The following ARHGAP22 variants were observed in gnomAD, a reference collection of about 807,000 sequenced individuals.
ARHGAP22 encodes the protein Rho GTPase activating protein 22.
ARHGAP22 carries 48 observed loss-of-function variants against 59.1 expected under a neutral mutation model. The observed-to-expected ratio is 0.81, with a 90% CI of 0.64 to 1.03. The LOEUF (loss-of-function observed/expected upper bound fraction) is 1.03. Among genes scored for constraint, ARHGAP22 ranks in the 50% least tolerant of loss-of-function variants. The probability of loss-of-function intolerance (pLI) is 0.00; values close to 1 mark genes in which losing one functional copy is unlikely to be tolerated. For missense variants in ARHGAP22, 1,015 were observed against 958.7 expected, an observed-to-expected ratio of 1.06 and a Z score of -0.78; for synonymous variants, 445 against 416.4, an observed-to-expected ratio of 1.07 and a Z score of -0.84.
In ARHGAP22 at chr10:48,577,801, G is replaced by GTTTTTTTTTTTTTTTT. The variant is rs34557935; in HGVS notation, c.234+5136_234+5151dup. Among the ~76,000 whole-genome samples, 86 of 59,158 alleles carry GTTTTTTTTTTTTTTTT rather than the reference G, an allele frequency of 1.5e-3. 16 individuals carry two copies. Among genetic ancestry groups the GTTTTTTTTTTTTTTTT allele is most frequent in the South Asian group, 9.6e-3 (7 of 726 alleles). The allele number at this position is 59,158 out of a possible 152,430, so 38.8% of individuals were successfully genotyped here. ...TCTGAGATCTAACTGCTCTTTTTTG[G>GTTTTTTTTTTTTTTTT]TTTTTTTTTTTTTTTTTTTTTTTTT... On this transcript the variant is annotated intron_variant, in intron 2 of 9. Coordinates refer to ENST00000249601, the MANE Select transcript of ARHGAP22 (RefSeq NM_021226.4).
chr10:48,573,875 G>T (rs573287502), intron 2 of ARHGAP22, among the ~76,000 whole-genome samples: 5 of 152,278 alleles, frequency 3.3e-5, no homozygotes, highest in East Asian at 1.9e-4. Context: ...AAATATTATG[G>T]TTTTTTCCAT....
chr10:48,453,509 CCCCTGCTGAG>C (rs926100311), intron 7 of ARHGAP22, 84 bp from the exon 8 acceptor site: 1 of 1,585,892 alleles, frequency 6.3e-7, no homozygotes, highest in Non-Finnish European at 8.6e-7. Flanking sequence ...CACCGCCACA[CCCCTGCTGAG>C]CCCTGCTGCC....
At chr10:48,556,039 T>C (rs756382988) in intron 2 of ARHGAP22, among the ~76,000 whole-genome samples, 5 of 152,192 alleles carry the variant, frequency 3.3e-5, no homozygotes, top group Non-Finnish European at 4.4e-5. Context: ...TCAGTTACCA[T>C]GTACATGGTA....
chr10:48,583,080 C>T lies in ARHGAP22; in HGVS notation c.107G>A (p.Gly36Asp). The T allele has an allele frequency of 6.2e-7, 1 of 1,614,268 alleles. No homozygotes were observed. The highest frequency in any genetic ancestry group is 1.1e-5 in the South Asian group (1 of 91,086). Reference sequence around the variant, plus strand: ...CAGCCAGCCCGCCTTCAGCACGGGGCCCAGCCTGTGAGGGCACGGCATCCG... The same window carrying T: ...CAGCCAGCCCGCCTTCAGCACGGGGTCCAGCCTGTGAGGGCACGGCATCCG... ...PGRMPCPHRL[G>D]PVLKAGWLKK... Residue 36 changes from glycine to aspartate, a missense_variant, in exon 2 of 10, where the codon GGC (glycine) becomes GAC (aspartate). Physicochemically the swap from Gly to Asp is moderately conservative, Grantham distance 94. Transcript: ENST00000249601.
At chr10:48,496,258 A>G (rs1179454896) in intron 3 of ARHGAP22, among the ~76,000 whole-genome samples, 1 of 152,152 alleles carries the variant, frequency 6.6e-6, no homozygotes, top group East Asian at 1.9e-4. Context: ...AGAGGCCTGG[A>G]CAGTGGGGCT....
At chr10:48,490,771 C>G (rs2050311939) in intron 3 of ARHGAP22, among the ~76,000 whole-genome samples, 1 of 152,170 alleles carries the variant, frequency 6.6e-6, no homozygotes, top group South Asian at 2.1e-4. Context: ...CTGAGACATC[C>G]AGATTCACTG....
At chr10:48,446,000 C>A (rs1001917862), downstream of ARHGAP22, 17 of 268,930 alleles carry the variant, frequency 6.3e-5, no homozygotes, top group Middle Eastern at 1.3e-3. Context: ...TCCTGTATTG[C>A]GAGGCATGAA....
At chr10:48,454,253 TG>T in intron 6 of ARHGAP22, 92 bp from the exon 7 acceptor site, 1 of 1,214,280 alleles carries the variant, frequency 8.2e-7, no homozygotes, top group Non-Finnish European at 1.2e-6. Flanking sequence ...AGAAGGGAGG[TG>T]GGGGCTACGG....
chr10:48,492,399 T>C (rs909331277), intron 3 of ARHGAP22, among the ~76,000 whole-genome samples: 6 of 152,050 alleles, frequency 3.9e-5, no homozygotes, highest in Admixed American at 3.9e-4. Context: ...GTGTCAGGGG[T>C]GAAGGCCAAG....
intron 3 of ARHGAP22, among the ~76,000 whole-genome samples, chr10:48,517,660 G>A (rs2053418962): frequency 6.6e-6 from 1 of 152,124 alleles, no homozygotes. Context: ...GAGGCCAGCA[G>A]CGTTGACCCC....
intron 1 of ARHGAP22, among the ~76,000 whole-genome samples, chr10:48,598,427 G>T (rs2060196208): frequency 6.6e-6 from 1 of 152,122 alleles, no homozygotes; most frequent in African/African-American, 2.4e-5. Flanking sequence ...AACTCTGCAG[G>T]GCGGGGAGGT....
intron 3 of ARHGAP22, among the ~76,000 whole-genome samples, chr10:48,529,264 A>C (rs1228407646): frequency 6.6e-6 from 1 of 152,170 alleles, no homozygotes; most frequent in Non-Finnish European, 1.5e-5. Flanking sequence ...CACAGGTTGG[A>C]GGAGTTGGAG....
chr10:48,455,180 G>A lies in ARHGAP22; in HGVS notation c.660-46C>T, dbSNP rs139732389. On this transcript the variant is annotated intron_variant, in intron 5 of 9. Coordinates refer to ENST00000249601, the MANE Select transcript of ARHGAP22 (RefSeq NM_021226.4). ...GGTGTGTGAGGCCTGGGATGCCAGG[G>A]GACTTCAGGGGTGACTGGTACGCCC... is the stretch of plus-strand genomic sequence containing the variant. 722 of 1,555,394 alleles carry A rather than the reference G, an allele frequency of 4.6e-4. 8 individuals carry two copies. The East Asian group carries it at 0.014, about 31-fold the overall frequency.
intron 1 of ARHGAP22, among the ~76,000 whole-genome samples, chr10:48,613,238 G>A (rs951531575): frequency 6.6e-6 from 1 of 152,038 alleles, no homozygotes; most frequent in African/African-American, 2.4e-5. Context: ...TCATGATATG[G>A]CCTCAGTAAC....
At chr10:48,556,046 G>T (rs115394587) in intron 2 of ARHGAP22, among the ~76,000 whole-genome samples, 34 of 152,276 alleles carry the variant, frequency 2.2e-4, no homozygotes, top group African/African-American at 7.0e-4. Flanking sequence ...CCATGTACAT[G>T]GTACCCCACT....
chr10:48,434,847 C>T, the ARHGAP22 span: 1 of 1,574,704 alleles, frequency 6.4e-7, no homozygotes, highest in Non-Finnish European at 8.6e-7. Flanking sequence ...CTGCAGCTGT[C>T]TGCAACTGAT....
intron 3 of ARHGAP22, among the ~76,000 whole-genome samples, chr10:48,515,592 G>A (rs1481508020): frequency 1.3e-5 from 2 of 152,196 alleles, no homozygotes; most frequent in Admixed American, 6.5e-5. Flanking sequence ...ACTGTAGAAT[G>A]CTCCACCTAA....
At chr10:48,504,185 G>A (rs991629781) in intron 3 of ARHGAP22, among the ~76,000 whole-genome samples, 1 of 152,180 alleles carries the variant, frequency 6.6e-6, no homozygotes, top group Admixed American at 6.5e-5. Context: ...GAAAAGGGGA[G>A]GAAGGATCCC....
intron 4 of ARHGAP22, among the ~76,000 whole-genome samples, chr10:48,475,712 C>T (rs1488808189): frequency 1.3e-5 from 2 of 152,202 alleles, no homozygotes; most frequent in African/African-American, 2.4e-5. Context: ...GCCACCCTCA[C>T]CTCTCACCTG....
Sources: allele counts gnomAD v4.1 joint callset (sites outside exome capture counted in the v4.1 genomes callset), GRCh38; gene constraint gnomAD v4.1.1; transcripts MANE v1.5; gene names NCBI Gene and HGNC (gene_info 2026-07-23, HGNC 2026-07-21).